The following PKIA variants were observed in gnomAD, a reference collection of about 807,000 sequenced individuals.
PKIA encodes PKI-alpha.
A neutral mutation model predicts 7.6 loss-of-function variants in PKIA; 4 were observed. The observed-to-expected ratio is 0.52, with a 90% CI of 0.26 to 1.20. PKIA has a LOEUF of 1.20. Among genes scored for constraint, PKIA ranks in the 50% most tolerant of loss-of-function variants. The pLI is 0.13. For synonymous variants in PKIA, 21 were observed against 30.7 expected (o/e 0.68, Z 1.04); for missense variants, 73 against 86.2 (o/e 0.85, Z 0.61).
chr8:78,546,033 C>G lies in PKIA; in HGVS notation c.-156-26778C>G, dbSNP rs544474889. On this transcript the variant is annotated intron_variant, in intron 1 of 3. Coordinates refer to ENST00000396418, the MANE Select transcript of PKIA (RefSeq NM_006823.4). ...GTGAGCCCAGGTTTGCTAGAGTTTA[C>G]AAAATCTGACCTAGCTCACTAGCCA... Among the ~76,000 whole-genome samples, 23 of 152,258 alleles carry G rather than the reference C, an allele frequency of 1.5e-4. No homozygotes were observed. In the South Asian group the frequency reaches 2.9e-3, roughly 19 times the overall value.
chr8:78,543,348 G>A (rs1806742928), intron 1 of PKIA, among the ~76,000 whole-genome samples: 1 of 152,016 alleles, frequency 6.6e-6, no homozygotes, highest in South Asian at 2.1e-4. Flanking sequence ...CATATCCTTC[G>A]TATGTGGTCT....
intron 1 of PKIA, among the ~76,000 whole-genome samples, chr8:78,526,864 T>C: frequency 6.6e-6 from 1 of 152,044 alleles, no homozygotes; most frequent in East Asian, 1.9e-4. Context: ...CATATTTACA[T>C]TAGTATGATG....
chr8:78,570,539 C>T (rs1419708169), intron 1 of PKIA, among the ~76,000 whole-genome samples: 1 of 152,148 alleles, frequency 6.6e-6, no homozygotes, highest in South Asian at 2.1e-4. Context: ...TCCAAAGTGA[C>T]CTTTCTAAAA....
At chr8:78,532,272 A>G (rs945437917) in intron 1 of PKIA, among the ~76,000 whole-genome samples, 6 of 152,108 alleles carry the variant, frequency 3.9e-5, no homozygotes, top group Non-Finnish European at 7.4e-5. Flanking sequence ...TACCTTTTAT[A>G]AAAGTCCATA....
chr8:78,570,855 C>T (rs1807530510), intron 1 of PKIA, among the ~76,000 whole-genome samples: 1 of 151,984 alleles, frequency 6.6e-6, no homozygotes, highest in South Asian at 2.1e-4. Flanking sequence ...AAAAATTTAC[C>T]TCTCCTTCAC....
At chr8:78,595,242 A>T (rs1808200467) in intron 2 of PKIA, among the ~76,000 whole-genome samples, 1 of 152,212 alleles carries the variant, frequency 6.6e-6, no homozygotes, top group Admixed American at 6.5e-5. Context: ...GTAGTGGGTA[A>T]CTGATTCACG....
At chr8:78,597,196 A>AT (rs1348410527) in intron 2 of PKIA, among the ~76,000 whole-genome samples, 1 of 151,710 alleles carries the variant, frequency 6.6e-6, no homozygotes, top group Non-Finnish European at 1.5e-5. Flanking sequence ...ATTTCAGAAA[A>AT]TTTTTTTTCT....
chr8:78,559,712 C>T (rs1807238174), intron 1 of PKIA, among the ~76,000 whole-genome samples: 1 of 152,114 alleles, frequency 6.6e-6, no homozygotes, highest in Non-Finnish European at 1.5e-5. Context: ...TACATTCTGG[C>T]AAACCAGCAT....
At position 78,526,725 on chromosome 8, in the gene PKIA, A is replaced by G. The variant is rs182830774; in HGVS notation, c.-157+10257A>G. ...ATTATTCAGGGACTTGTTTATTATT[A>G]GGTGCTACTGATTAGATGTGATGAA... is the stretch of plus-strand genomic sequence containing the variant. On this transcript the variant is annotated intron_variant, in intron 1 of 3. Coordinates refer to ENST00000396418, the MANE Select transcript of PKIA (RefSeq NM_006823.4). Among the ~76,000 whole-genome samples the G allele has an allele frequency of 5.9e-5, 9 of 152,044 alleles. No homozygotes were observed. The East Asian group carries it at 1.7e-3, about 30-fold the overall frequency.
At chr8:78,562,590 G>A (rs1160861307) in intron 1 of PKIA, among the ~76,000 whole-genome samples, 2 of 152,054 alleles carry the variant, frequency 1.3e-5, no homozygotes, top group African/African-American at 2.4e-5. Flanking sequence ...TAGCTATCAC[G>A]TGGCTTTGCA....
chr8:78,602,060 G>A lies in PKIA; in HGVS notation c.*239G>A. On this transcript the variant is annotated 3_prime_UTR_variant, in exon 4 of 4. Transcript: ENST00000396418. ...TGGCTTGTGTTTGGGCGTCATTTTT[G>A]TATGGATCCTTTCACTTGATCATAT... The A allele has an allele frequency of 1.9e-6, 1 of 520,908 alleles. No individual in the cohort carries two copies. 32.3% of individuals were successfully genotyped at this position (520,908 alleles called of 1,614,324 possible). A position where few individuals can be genotyped will look rare whatever the true frequency, so the allele number is the denominator to read the frequency against.
At position 78,570,029 on chromosome 8, in the gene PKIA, G is replaced by A. The variant is rs181818577; in HGVS notation, c.-156-2782G>A. On this transcript the variant is annotated intron_variant, in intron 1 of 3. Transcript: ENST00000396418. ...AGTGAAGAAGTGGGTAGGAACTCAG[G>A]AACCTGTGGAACGAAAAATAAAAAG... Among the ~76,000 whole-genome samples the A allele has an allele frequency of 1.2e-4, 18 of 152,164 alleles. No individual in the cohort carries two copies. In the East Asian group the frequency reaches 3.5e-3, roughly 29 times the overall value.
At chr8:78,559,192 GATTACAGGCATA>G (rs1157741541) in intron 1 of PKIA, among the ~76,000 whole-genome samples, 1 of 152,142 alleles carries the variant, frequency 6.6e-6, no homozygotes, top group Non-Finnish European at 1.5e-5. Context: ...AAAGTGCTAG[GATTACAGGCATA>G]AGCCACCGTG....
At chr8:78,571,890 G>A (rs1455664589) in intron 1 of PKIA, among the ~76,000 whole-genome samples, 6 of 152,002 alleles carry the variant, frequency 3.9e-5, no homozygotes, top group African/African-American at 1.2e-4. Context: ...AGATTCTAAT[G>A]TTTTCAATCA....
At chr8:78,581,590 A>C (rs1807807827) in intron 2 of PKIA, among the ~76,000 whole-genome samples, 1 of 152,060 alleles carries the variant, frequency 6.6e-6, no homozygotes, top group Non-Finnish European at 1.5e-5. Context: ...CTGCCAAAAA[A>C]CACATCTTCT....
intron 2 of PKIA, among the ~76,000 whole-genome samples, chr8:78,577,918 A>C (rs767627603): frequency 2.6e-5 from 4 of 151,996 alleles, no homozygotes; most frequent in Admixed American, 6.6e-5. Context: ...CTATCTGTCC[A>C]TGTGGAAATG....
intron 2 of PKIA, among the ~76,000 whole-genome samples, chr8:78,592,346 A>G (rs1808120894): frequency 6.6e-6 from 1 of 152,124 alleles, no homozygotes; most frequent in Admixed American, 6.5e-5. Context: ...GAAAGAAAAT[A>G]TAATAAGCAA....
chr8:78,580,442 C>T (rs953668114), intron 2 of PKIA, among the ~76,000 whole-genome samples: 1 of 151,994 alleles, frequency 6.6e-6, no homozygotes, highest in Non-Finnish European at 1.5e-5. Flanking sequence ...AAAAGCCATT[C>T]GATGAGGCCT....
At chr8:78,541,912 GT>G (rs1806702885) in intron 1 of PKIA, among the ~76,000 whole-genome samples, 1 of 150,700 alleles carries the variant, frequency 6.6e-6, no homozygotes, top group South Asian at 2.1e-4. Context: ...GTTCAGACCT[GT>G]AATCCCAACA....
Sources: gnomAD v4.1 joint callset for allele counts (sites outside exome capture counted in the v4.1 genomes callset) on GRCh38, gnomAD v4.1.1 for gene constraint, MANE v1.5 for transcripts, NCBI Gene and HGNC (gene_info 2026-07-23, HGNC 2026-07-21) for gene names.